MVB12B: variants seen among roughly 807,000 people sequenced by gnomAD.
MVB12B encodes the protein ESCRT-I complex subunit MVB12B.
MVB12B carries 16 observed loss-of-function variants against 41.6 expected under a neutral mutation model. The observed-to-expected ratio is 0.38, with a 90% CI of 0.26 to 0.58. The LOEUF is 0.58. MVB12B is among the 20% of genes least tolerant of loss of function. The probability of loss-of-function intolerance (pLI) is 0.62; values close to 1 mark genes in which losing one functional copy is unlikely to be tolerated. For synonymous variants in MVB12B, 133 were observed against 139.7 expected (o/e 0.95, Z 0.34); for missense variants, 274 against 380.2 (o/e 0.72, Z 2.32).
At chr9:126,390,219 G>C (rs557137615) in intron 4 of MVB12B, among the ~76,000 whole-genome samples, 48 of 152,352 alleles carry the variant, frequency 3.2e-4, no homozygotes, top group African/African-American at 1.2e-3. Context: ...CCACACAGCT[G>C]TTCTTTACTG....
At chr9:126,387,211 T>C (rs921432585) in intron 4 of MVB12B, among the ~76,000 whole-genome samples, 2 of 152,184 alleles carry the variant, frequency 1.3e-5, no homozygotes, top group African/African-American at 4.8e-5. Flanking sequence ...CTTCAGGGTG[T>C]TGGAGCCCTT....
chr9:126,444,119 G>A (rs766609450), intron 7 of MVB12B, among the ~76,000 whole-genome samples: 1 of 152,158 alleles, frequency 6.6e-6, no homozygotes, highest in Non-Finnish European at 1.5e-5. Context: ...GGGATTAATG[G>A]TTGTATCATC....
intron 6 of MVB12B, among the ~76,000 whole-genome samples, chr9:126,419,763 A>C (rs1831945371): frequency 6.6e-6 from 1 of 152,090 alleles, no homozygotes; most frequent in African/African-American, 2.4e-5. Flanking sequence ...GCCAGTCTTC[A>C]GATTCACCGC....
rs950096415 is a variant in MVB12B, at chr9:126,367,684, G to A, written c.205-13380G>A. Reference sequence around the variant, plus strand: ...GACACCAAATATCCATACTGTGTCTGCCCCTGCACTAGTTGCTTCCACACA... The same window carrying A: ...GACACCAAATATCCATACTGTGTCTACCCCTGCACTAGTTGCTTCCACACA... On this transcript the variant is annotated intron_variant, in intron 2 of 9. Coordinates refer to ENST00000361171, the MANE Select transcript of MVB12B (RefSeq NM_033446.3). This position sits in a 1 kb window ranked among gnomAD's most constrained non-coding sequence, Gnocchi z 4.3. Among the ~76,000 whole-genome samples the A allele has an allele frequency of 2.0e-5, 3 of 152,202 alleles. No individual in the cohort carries two copies. The highest frequency in any genetic ancestry group is 7.2e-5 in the African/African-American group (3 of 41,446).
At chr9:126,445,393 G>A (rs991286843) in intron 7 of MVB12B, among the ~76,000 whole-genome samples, 7 of 151,956 alleles carry the variant, frequency 4.6e-5, no homozygotes, top group African/African-American at 1.2e-4. Context: ...TGCAACCTCC[G>A]CCTCCCGGGT....
Position 126,486,211 on chromosome 9 carries a change from A to C in MVB12B, c.873+2179A>C, listed in dbSNP as rs1439263025. ...TCTTTTTTTGATAACTCAGGGAAAA[A>C]ATGGCTGGCTGGGACATTAGAAACA... On this transcript the variant is annotated intron_variant, in intron 9 of 9. Transcript: ENST00000361171. The surrounding 1 kb of genome is among the most constrained non-coding windows in gnomAD (Gnocchi z 4.7). Among the ~76,000 whole-genome samples, 1 of 152,138 alleles carries C rather than the reference A, an allele frequency of 6.6e-6. No individual in the cohort carries two copies. The highest frequency in any genetic ancestry group is 1.9e-4 in the East Asian group (1 of 5,192).
intron 7 of MVB12B, among the ~76,000 whole-genome samples, chr9:126,431,013 T>A (rs1425562598): frequency 1.3e-5 from 2 of 152,122 alleles, no homozygotes; most frequent in African/African-American, 4.8e-5. Flanking sequence ...CTTATTCAGC[T>A]CCCCTACAGG....
At position 126,489,027 on chromosome 9, in the gene MVB12B, C is replaced by G. The variant is rs116913934; in HGVS notation, c.873+4995C>G. On this transcript the variant is annotated intron_variant, in intron 9 of 9. Transcript: ENST00000361171. ...ATGGCCTGGCCTAGGAGCTGCCCAG[C>G]ACTGATTGACAAACAGGGTGTCACT... 2.4e-3 allele frequency among the ~76,000 whole-genome samples: 371 copies of G among 152,332 alleles called. 1 individual carries two copies. The highest frequency in any genetic ancestry group is 4.3e-3 in the Non-Finnish European group (292 of 68,030).
intron 7 of MVB12B, among the ~76,000 whole-genome samples, chr9:126,433,454 T>G (rs1832383283): frequency 6.6e-6 from 1 of 151,182 alleles, no homozygotes; most frequent in Non-Finnish European, 1.5e-5. Flanking sequence ...CGTGGTGGCC[T>G]TCTCTTAGCC....
intron 2 of MVB12B, among the ~76,000 whole-genome samples, chr9:126,372,012 T>A (rs1419156167): frequency 6.6e-6 from 1 of 152,210 alleles, no homozygotes; most frequent in Non-Finnish European, 1.5e-5. Context: ...TAAAGAACGC[T>A]CCACTCATTA....
At chr9:126,487,781 A>T (rs968565054) in intron 9 of MVB12B, among the ~76,000 whole-genome samples, 18 of 149,316 alleles carry the variant, frequency 1.2e-4, no homozygotes, top group South Asian at 6.3e-4. Flanking sequence ...AAAAAAAAAA[A>T]AATAACAAAA....
chr9:126,461,020 T>G (rs1218503084), intron 7 of MVB12B, among the ~76,000 whole-genome samples: 1 of 152,220 alleles, frequency 6.6e-6, no homozygotes, highest in East Asian at 1.9e-4. Context: ...GTGACTGTTA[T>G]GAGGTCTGGG....
At chr9:126,474,282 T>G (rs1472655009) in intron 7 of MVB12B, among the ~76,000 whole-genome samples, 1 of 152,130 alleles carries the variant, frequency 6.6e-6, no homozygotes, top group African/African-American at 2.4e-5. Flanking sequence ...CATCACAGTC[T>G]CTCTGCTCTA....
intron 7 of MVB12B, among the ~76,000 whole-genome samples, chr9:126,458,141 A>C (rs921114586): frequency 1.9e-4 from 29 of 152,160 alleles, no homozygotes; most frequent in African/African-American, 7.0e-4. Context: ...CCACTGACCC[A>C]ATAAATGATT....
At chr9:126,422,042 T>C (rs1399877744) in intron 7 of MVB12B, 94 bp downstream of exon 7, 12 of 890,136 alleles carry the variant, frequency 1.3e-5, no homozygotes. Context: ...GGGATCTGTC[T>C]GCCTTACCTC....
chr9:126,351,067 C>T (rs895870061), intron 2 of MVB12B, among the ~76,000 whole-genome samples: 6 of 152,074 alleles, frequency 3.9e-5, no homozygotes, highest in African/African-American at 9.7e-5. Context: ...CTTTCGCCAG[C>T]GTTTTGTAGT....
intron 2 of MVB12B, among the ~76,000 whole-genome samples, chr9:126,366,198 C>G (rs1830177251): frequency 6.6e-6 from 1 of 151,942 alleles, no homozygotes. Flanking sequence ...TGCCCTACTC[C>G]CCAAAATCGT....
At chr9:126,458,609 C>T (rs1423790299) in intron 7 of MVB12B, among the ~76,000 whole-genome samples, 8 of 152,284 alleles carry the variant, frequency 5.3e-5, no homozygotes, top group South Asian at 4.1e-4. Flanking sequence ...ATGGTGGTTC[C>T]CCCTCATTCC....
intron 7 of MVB12B, among the ~76,000 whole-genome samples, chr9:126,472,588 A>G (rs919309049): frequency 1.3e-5 from 2 of 152,122 alleles, no homozygotes; most frequent in African/African-American, 2.4e-5. Context: ...AGCATTCACA[A>G]TCCCCTTGAC....
Sources: gnomAD v4.1 joint callset for allele counts (sites outside exome capture counted in the v4.1 genomes callset) on GRCh38, gnomAD v4.1.1 for gene constraint, Gnocchi (gnomAD v3.1) non-coding constraint, MANE v1.5 for transcripts, NCBI Gene and HGNC (gene_info 2026-07-23, HGNC 2026-07-21) for gene names.